ATRNL1: variants seen among roughly 807,000 people sequenced by gnomAD.
ATRNL1 encodes the protein attractin-like protein 1.
ATRNL1 carries 95 observed loss-of-function variants against 182.7 expected under a neutral mutation model. The ratio of observed to expected loss-of-function variants is 0.52; its 90% CI spans 0.44 to 0.62. The LOEUF is 0.62. ATRNL1 is among the 20% of genes least tolerant of loss of function. The pLI, the probability that ATRNL1 is intolerant of heterozygous loss-of-function variation, is 0.00. For missense variants in ATRNL1, 1,471 were observed against 1,679.5 expected, an observed-to-expected ratio of 0.88 and a Z score of 2.17; for synonymous variants, 576 against 568.3, an observed-to-expected ratio of 1.01 and a Z score of -0.19.
intron 27 of ATRNL1, among the ~76,000 whole-genome samples, chr10:115,847,019 T>A (rs1306675718): frequency 6.6e-6 from 1 of 152,016 alleles, no homozygotes; most frequent in Non-Finnish European, 1.5e-5. Flanking sequence ...ACTATTATTA[T>A]TATTATATAT....
At chr10:115,482,517 T>C (rs530712387) in intron 24 of ATRNL1, among the ~76,000 whole-genome samples, 87 of 150,846 alleles carry the variant, frequency 5.8e-4, no homozygotes, top group African/African-American at 2.0e-3. Flanking sequence ...ATGTTTCTCC[T>C]TATTTTGTAC....
intron 28 of ATRNL1, among the ~76,000 whole-genome samples, chr10:115,911,161 G>A (rs1952665899): frequency 6.6e-6 from 1 of 151,848 alleles, no homozygotes; most frequent in South Asian, 2.1e-4. Flanking sequence ...ACCGTGCTCA[G>A]CTAATTTTTT....
chr10:115,576,172 ATTG>A (rs1854695497), intron 26 of ATRNL1, among the ~76,000 whole-genome samples: 2 of 152,076 alleles, frequency 1.3e-5, no homozygotes, highest in Admixed American at 1.3e-4. Context: ...TATCCTGGCT[ATTG>A]TGGATAATGC....
intron 25 of ATRNL1, among the ~76,000 whole-genome samples, chr10:115,538,644 A>C (rs1279297549): frequency 6.6e-6 from 1 of 152,158 alleles, no homozygotes; most frequent in Non-Finnish European, 1.5e-5. Context: ...CAGTCTTTGA[A>C]TTGTCTTTTC....
chr10:115,643,354 G>T (rs782529038), intron 26 of ATRNL1, among the ~76,000 whole-genome samples: 25 of 151,992 alleles, frequency 1.6e-4, no homozygotes, highest in Non-Finnish European at 2.9e-4. Context: ...AAACCTAAAC[G>T]TAAAGCTGAA....
chr10:115,152,032 G>A lies in ATRNL1; in HGVS notation c.830-8008G>A, dbSNP rs534063982. Among the ~76,000 whole-genome samples the A allele has an allele frequency of 5.3e-5, 8 of 152,248 alleles. No individual in the cohort carries two copies. In the East Asian group the frequency reaches 1.5e-3, roughly 29 times the overall value. ...AAAGATCAGATGGCTGTAGATGTGTGATATTATTTCTGAGGGCTCTGCTCT... is the reference window on the plus strand; with the variant it reads ...AAAGATCAGATGGCTGTAGATGTGTAATATTATTTCTGAGGGCTCTGCTCT... On this transcript the variant is annotated intron_variant, in intron 5 of 28. Transcript: ENST00000355044.
chr10:115,346,737 T>C (rs1335767684), intron 19 of ATRNL1, among the ~76,000 whole-genome samples: 2 of 152,004 alleles, frequency 1.3e-5, no homozygotes, highest in African/African-American at 4.8e-5. Context: ...TTGGGCTTTT[T>C]TTGCTGTTGA....
intron 26 of ATRNL1, among the ~76,000 whole-genome samples, chr10:115,719,294 A>G (rs1947348448): frequency 6.6e-6 from 1 of 152,194 alleles, no homozygotes; most frequent in Admixed American, 6.5e-5. Flanking sequence ...GAAGTACAGA[A>G]CTTCATTTCT....
chr10:115,459,965 CT>C (rs1254611936), intron 21 of ATRNL1, among the ~76,000 whole-genome samples: 15 of 152,300 alleles, frequency 9.8e-5, no homozygotes, highest in Middle Eastern at 3.4e-3. Flanking sequence ...CCCCTGATAA[CT>C]TTTGAATCTC....
intron 18 of ATRNL1, among the ~76,000 whole-genome samples, chr10:115,323,603 C>A (rs1363338340): frequency 2.0e-5 from 3 of 151,730 alleles, no homozygotes; most frequent in African/African-American, 4.8e-5. Flanking sequence ...TGCCACCACA[C>A]CTGACTAATT....
intron 26 of ATRNL1, among the ~76,000 whole-genome samples, chr10:115,618,151 C>CT (rs1371411007): frequency 1.3e-5 from 2 of 152,178 alleles, no homozygotes; most frequent in Non-Finnish European, 2.9e-5. Flanking sequence ...CCAATTAAAC[C>CT]TCTTTTCTTT....
chr10:115,898,221 G>C (rs556820913), intron 28 of ATRNL1, among the ~76,000 whole-genome samples: 1 of 152,088 alleles, frequency 6.6e-6, no homozygotes, highest in South Asian at 2.1e-4. Context: ...CACTATGCCC[G>C]GTCCCCTTTT....
chr10:115,503,627 C>A (rs1819796096), intron 24 of ATRNL1, among the ~76,000 whole-genome samples: 2 of 144,454 alleles, frequency 1.4e-5, no homozygotes, highest in African/African-American at 5.9e-5. Context: ...ATATCAAGCC[C>A]AGTCTTTAAA....
rs57473482 is a variant in ATRNL1, at chr10:115,698,776, C to CA, written c.3796-28461dup. 4.7e-3 allele frequency among the ~76,000 whole-genome samples: 606 copies of CA among 128,730 alleles called. 3 individuals carry two copies. Among genetic ancestry groups the CA allele is most frequent in the Middle Eastern group, 8.1e-3 (2 of 246 alleles). 84.5% of individuals were successfully genotyped at this position (128,730 alleles called of 152,430 possible). A position where few individuals can be genotyped will look rare whatever the true frequency, so the allele number is the denominator to read the frequency against. On this transcript the variant is annotated intron_variant, in intron 26 of 28. Coordinates refer to ENST00000355044, the MANE Select transcript of ATRNL1 (RefSeq NM_207303.4). ...CTGGCAACAGAGCGAGACTCCATCT[C>CA]AAAAAAAAAAAGAAGAAGAAATGTG...
chr10:115,377,236 C>T (rs938732053), intron 19 of ATRNL1, among the ~76,000 whole-genome samples: 16 of 152,050 alleles, frequency 1.1e-4, no homozygotes, highest in African/African-American at 3.6e-4. Context: ...AACTGAATCA[C>T]GACGGCAGTT....
At chr10:115,230,875 G>C (rs1179728582) in intron 9 of ATRNL1, among the ~76,000 whole-genome samples, 2 of 24,326 alleles carry the variant, frequency 8.2e-5, no homozygotes, top group African/African-American at 3.3e-4. Flanking sequence ...GTGGATGAGA[G>C]AGAGAGAGAG....
At chr10:115,503,040 T>TAA (rs1849924885) in intron 24 of ATRNL1, among the ~76,000 whole-genome samples, 1 of 152,244 alleles carries the variant, frequency 6.6e-6, no homozygotes, top group East Asian at 1.9e-4. Context: ...GGCCTGAAGA[T>TAA]AAGGCTGTAA....
At chr10:115,580,247 C>T (rs1854985182) in intron 26 of ATRNL1, among the ~76,000 whole-genome samples, 1 of 152,082 alleles carries the variant, frequency 6.6e-6, no homozygotes, top group Non-Finnish European at 1.5e-5. Context: ...CCTGCTGTTT[C>T]AACTTCAGTG....
intron 27 of ATRNL1, among the ~76,000 whole-genome samples, chr10:115,812,049 A>T (rs2420120): frequency 6.6e-6 from 1 of 151,950 alleles, no homozygotes; most frequent in East Asian, 1.9e-4. Flanking sequence ...CTTTTTTAGT[A>T]TACAGTTCAG....
Sources: allele counts gnomAD v4.1 joint callset (sites outside exome capture counted in the v4.1 genomes callset), GRCh38; gene constraint gnomAD v4.1.1; transcripts MANE v1.5; gene names NCBI Gene and HGNC (gene_info 2026-07-23, HGNC 2026-07-21).